The following COL19A1 variants were observed in gnomAD, a reference collection of about 807,000 sequenced individuals.
COL19A1 encodes collagen type XIX alpha 1 chain, also known as collagen alpha-1(XIX) chain.
COL19A1 carries 159 observed loss-of-function variants against 190.2 expected under a neutral mutation model. That is an observed-to-expected ratio of 0.84 (90% CI 0.73 to 0.95). The LOEUF is 0.95. Among genes scored for constraint, COL19A1 ranks in the 40% least tolerant of loss-of-function variants. COL19A1 has a pLI of 0.00. For missense variants in COL19A1, 1,418 were observed against 1,431.9 expected, an observed-to-expected ratio of 0.99 and a Z score of 0.16; for synonymous variants, 509 against 458.9, an observed-to-expected ratio of 1.11 and a Z score of -1.39.
intron 15 of COL19A1, among the ~76,000 whole-genome samples, chr6:70,071,250 T>C (rs1365951686): frequency 1.0e-5 from 1 of 97,716 alleles, no homozygotes; most frequent in Non-Finnish European, 2.0e-5. Flanking sequence ...AGGATTCTGA[T>C]CAATGAATTC....
At chr6:70,006,995 T>G (rs111725915) in intron 11 of COL19A1, among the ~76,000 whole-genome samples, 1 of 152,068 alleles carries the variant, frequency 6.6e-6, no homozygotes, top group Non-Finnish European at 1.5e-5. Flanking sequence ...TGAACAAAAA[T>G]GAAGGCAGGA....
intron 11 of COL19A1, among the ~76,000 whole-genome samples, chr6:70,016,389 TGAA>T (rs1444931705): frequency 2.0e-5 from 2 of 101,826 alleles, no homozygotes; most frequent in Non-Finnish European, 3.7e-5. Context: ...AAAAAACACA[TGAA>T]AAAAAAAAAA....
At chr6:69,887,876 G>C (rs1179837764) in intron 2 of COL19A1, among the ~76,000 whole-genome samples, 2 of 152,154 alleles carry the variant, frequency 1.3e-5, no homozygotes, top group African/African-American at 4.8e-5. Context: ...GGATGGGCCA[G>C]GCTCCTCCCG....
chr6:69,915,923 A>G (rs1771264806), intron 4 of COL19A1, among the ~76,000 whole-genome samples: 1 of 145,096 alleles, frequency 6.9e-6, no homozygotes, highest in African/African-American at 2.6e-5. Context: ...TGAAAATTAC[A>G]CTCATCTCAT....
chr6:69,872,797 C>T (rs1767917984), intron 1 of COL19A1, among the ~76,000 whole-genome samples: 1 of 152,188 alleles, frequency 6.6e-6, no homozygotes, highest in Non-Finnish European at 1.5e-5. Context: ...GTTGTCTACT[C>T]AAGACTGCCA....
At chr6:69,895,889 G>T (rs921466898) in intron 2 of COL19A1, among the ~76,000 whole-genome samples, 45 of 151,938 alleles carry the variant, frequency 3.0e-4, no homozygotes, top group African/African-American at 1.1e-3. Flanking sequence ...AAACATTTTG[G>T]TTGTTTCTGG....
intron 7 of COL19A1, among the ~76,000 whole-genome samples, chr6:69,935,594 A>G (rs1191349998): frequency 6.6e-6 from 1 of 152,042 alleles, no homozygotes; most frequent in Non-Finnish European, 1.5e-5. Context: ...ATCTGGAGAG[A>G]GTAGATTTGA....
intron 11 of COL19A1, among the ~76,000 whole-genome samples, chr6:69,965,684 C>T (rs1423182067): frequency 1.3e-5 from 2 of 152,174 alleles, no homozygotes; most frequent in African/African-American, 4.8e-5. Context: ...AGTAAGTTCT[C>T]TCAGAAAGGT....
chr6:69,866,814 G>A (rs1767470809), intron 1 of COL19A1, among the ~76,000 whole-genome samples, 174 bp downstream of exon 1: 1 of 152,178 alleles, frequency 6.6e-6, no homozygotes, highest in Non-Finnish European at 1.5e-5. Context: ...ACCTGCATAC[G>A]TTTCCATAGG....
chr6:70,152,989 C>T (rs919591573), intron 31 of COL19A1, among the ~76,000 whole-genome samples: 9 of 152,044 alleles, frequency 5.9e-5, no homozygotes, highest in Admixed American at 3.3e-4. Context: ...CAATCTCGCC[C>T]GGGAATCATC....
At chr6:70,006,966 G>A (rs1582668582) in intron 11 of COL19A1, among the ~76,000 whole-genome samples, 3 of 152,096 alleles carry the variant, frequency 2.0e-5, no homozygotes, top group South Asian at 2.1e-4. Context: ...AACTAAAATA[G>A]CATGCTAAAA....
chr6:69,913,944 T>C (rs6900991), intron 4 of COL19A1, among the ~76,000 whole-genome samples: 6,527 of 151,482 alleles, frequency 0.043, 466 homozygotes, highest in African/African-American at 0.15. Flanking sequence ...CAGGGTTGGG[T>C]TTAATCCAGG....
At chr6:69,885,486 G>A (rs1768859602) in intron 2 of COL19A1, among the ~76,000 whole-genome samples, 1 of 152,108 alleles carries the variant, frequency 6.6e-6, no homozygotes, top group African/African-American at 2.4e-5. Context: ...TTTGTAATGA[G>A]TGGCTAAATC....
At chr6:69,925,146 A>G in intron 4 of COL19A1, among the ~76,000 whole-genome samples, 1 of 152,228 alleles carries the variant, frequency 6.6e-6, no homozygotes, top group Non-Finnish European at 1.5e-5. Context: ...TGTTTTAGAC[A>G]TGAAGTCTTT....
In COL19A1 at chr6:70,029,963, C is replaced by A. The variant is rs9446181; in HGVS notation, c.1081-4282C>A. On this transcript the variant is annotated intron_variant, in intron 12 of 50. Transcript: ENST00000620364. ...GAACAACCCTTCAAGAAAACTATTA[C>A]TTATTATACCTATTTTATAGGAAAG... 3.2e-3 allele frequency among the ~76,000 whole-genome samples: 480 copies of A among 152,198 alleles called. 2 individuals are homozygous for A. Among genetic ancestry groups the A allele is most frequent in the African/African-American group, 0.011 (467 of 41,536 alleles).
At chr6:70,043,201 T>A (rs1779721128) in intron 14 of COL19A1, among the ~76,000 whole-genome samples, 1 of 151,878 alleles carries the variant, frequency 6.6e-6, no homozygotes, top group Non-Finnish European at 1.5e-5. Flanking sequence ...TTCTTTTTTT[T>A]TTTTTTTTGA....
At chr6:70,190,209 A>G (rs1265062871) in intron 47 of COL19A1, 106 bp from the exon 48 acceptor site, 3 of 801,400 alleles carry the variant, frequency 3.7e-6, no homozygotes, top group Non-Finnish European at 6.0e-6. Context: ...TTCTTGATAA[A>G]TGCATCCCTA....
intron 15 of COL19A1, among the ~76,000 whole-genome samples, chr6:70,097,406 TG>T (rs1167260618): frequency 6.6e-6 from 1 of 152,102 alleles, no homozygotes; most frequent in African/African-American, 2.4e-5. Flanking sequence ...AATATTCCAC[TG>T]TATGTTTGTA....
At chr6:70,057,767 T>G (rs1050061445) in intron 14 of COL19A1, among the ~76,000 whole-genome samples, 5 of 152,120 alleles carry the variant, frequency 3.3e-5, no homozygotes, top group African/African-American at 1.2e-4. Context: ...ATTATTTTGG[T>G]ATCAAGTAGG....
Sources: allele counts gnomAD v4.1 joint callset (sites outside exome capture counted in the v4.1 genomes callset), GRCh38; gene constraint gnomAD v4.1.1; transcripts MANE v1.5; gene names NCBI Gene and HGNC (gene_info 2026-07-23, HGNC 2026-07-21).